Variants in ZBTB20 observed in about 807,000 individuals in gnomAD.
ZBTB20 encodes the protein zinc finger and BTB domain-containing protein 20.
Under a neutral mutation model 56.9 loss-of-function variants are expected in ZBTB20, and 9 were observed. The observed-to-expected ratio is 0.16, with a 90% CI of 0.10 to 0.28. The LOEUF (loss-of-function observed/expected upper bound fraction) is 0.28. Ranked by LOEUF, ZBTB20 falls within the 10% of genes least tolerant of loss-of-function variation. The probability of loss-of-function intolerance (pLI) is 1.00; values close to 1 mark genes in which losing one functional copy is unlikely to be tolerated. For synonymous variants in ZBTB20, 417 were observed against 420.7 expected (o/e 0.99, Z 0.11); for missense variants, 655 against 1,003.0 (o/e 0.65, Z 4.69).
intron 6 of ZBTB20, among the ~76,000 whole-genome samples, chr3:114,601,669 A>G (rs1041897725): frequency 4.6e-5 from 7 of 152,012 alleles, no homozygotes; most frequent in Non-Finnish European, 7.4e-5. Flanking sequence ...AGAAATGGCT[A>G]AGGAAGAAGA....
intron 7 of ZBTB20, among the ~76,000 whole-genome samples, chr3:114,415,100 T>C (rs1052967127): frequency 1.3e-5 from 2 of 152,116 alleles, no homozygotes; most frequent in Admixed American, 1.3e-4. Flanking sequence ...CAATGTGGTT[T>C]GATATCATTA....
intron 7 of ZBTB20, among the ~76,000 whole-genome samples, chr3:114,410,669 C>T (rs1415658713): frequency 6.6e-6 from 1 of 152,150 alleles, no homozygotes; most frequent in Non-Finnish European, 1.5e-5. Context: ...AACAAGAGAG[C>T]GCTGGTTCCA....
At chr3:114,795,293 C>A (rs899998095) in intron 5 of ZBTB20, among the ~76,000 whole-genome samples, 2 of 151,962 alleles carry the variant, frequency 1.3e-5, no homozygotes, top group Non-Finnish European at 2.9e-5. Flanking sequence ...TTGTCCTATT[C>A]TTGAGCTATC....
chr3:114,460,293 C>T (rs554493318), intron 7 of ZBTB20, among the ~76,000 whole-genome samples: 2 of 151,466 alleles, frequency 1.3e-5, no homozygotes, highest in South Asian at 2.1e-4. Context: ...TGAGGAATGG[C>T]CCCCCCCAAA....
chr3:114,642,952 A>C (rs2059634120), intron 6 of ZBTB20, among the ~76,000 whole-genome samples: 1 of 152,074 alleles, frequency 6.6e-6, no homozygotes, highest in Non-Finnish European at 1.5e-5. Context: ...AGTAAATGTC[A>C]CTTGACCCGA....
At position 114,315,648 on chromosome 3, in the gene ZBTB20, T is replaced by C. The variant is rs1311779504; in HGVS notation, c.*23357A>G. ...AAAAAAGGGACCATATTCCTTTCCATACTAAGATACAATGTGATAAGAAAC... is the reference window on the plus strand; with the variant it reads ...AAAAAAGGGACCATATTCCTTTCCACACTAAGATACAATGTGATAAGAAAC... On this transcript the variant is annotated 3_prime_UTR_variant, in exon 12 of 12. Transcript: ENST00000675478. 6.6e-6 allele frequency: 1 copy of C among 151,646 alleles called. No individual in the cohort carries two copies. The highest frequency in any genetic ancestry group is 2.4e-5 in the African/African-American group (1 of 41,226). The allele number at this position is 151,646 out of a possible 1,614,324, so 9.4% of individuals were successfully genotyped here.
At chr3:114,577,247 T>G (rs545683172) in intron 6 of ZBTB20, among the ~76,000 whole-genome samples, 2 of 152,112 alleles carry the variant, frequency 1.3e-5, no homozygotes, top group East Asian at 3.9e-4. Flanking sequence ...TATCTAACTA[T>G]GTACCCATAT....
rs144598152 is a variant in ZBTB20 at position 114,380,488 on chromosome 3, AT to A, written c.12-85del. The A allele has an allele frequency of 3.7e-4, 501 of 1,342,604 alleles. 6 individuals carry two copies. In the South Asian group the frequency reaches 4.0e-3, roughly 11 times the overall value. 83.2% of individuals were successfully genotyped at this position (1,342,604 alleles called of 1,614,324 possible). On this transcript the variant is annotated intron_variant, in intron 9 of 11. Coordinates refer to ENST00000675478, the MANE Select transcript of ZBTB20 (RefSeq NM_001348800.3). ...TTTAGAATCTGTTAAAGATAACTTG[AT>A]TTTTTTTTTCTGAAGGGGGATGGGA...
intron 2 of ZBTB20, among the ~76,000 whole-genome samples, chr3:115,052,452 T>G (rs1042446622): frequency 4.0e-5 from 6 of 151,818 alleles, no homozygotes; most frequent in Admixed American, 1.3e-4. Context: ...GTGAGACGCT[T>G]TCTCATGGAA....
At chr3:115,134,392 G>A (rs1006663817) in intron 1 of ZBTB20, among the ~76,000 whole-genome samples, 3 of 152,088 alleles carry the variant, frequency 2.0e-5, no homozygotes, top group African/African-American at 7.2e-5. Context: ...TAGCAGCCAA[G>A]TGCAGAGATG....
chr3:114,317,755 T>C lies in ZBTB20; in HGVS notation c.*21250A>G, dbSNP rs982170375. The C allele has an allele frequency of 4.6e-5, 7 of 152,124 alleles. No homozygotes were observed. Among genetic ancestry groups the C allele is most frequent in the Non-Finnish European group, 7.3e-5 (5 of 68,028 alleles). 9.4% of individuals were successfully genotyped at this position (152,124 alleles called of 1,614,324 possible). On this transcript the variant is annotated 3_prime_UTR_variant, in exon 12 of 12. Coordinates refer to ENST00000675478, the MANE Select transcript of ZBTB20 (RefSeq NM_001348800.3). ...AAGGAAAAGATGAAGGCACGTGATA[T>C]TATTCGGTCCCACAATCCTTAAGAA...
intron 3 of ZBTB20, among the ~76,000 whole-genome samples, chr3:114,910,397 G>A (rs545076591): frequency 6.6e-6 from 1 of 151,826 alleles, no homozygotes; most frequent in East Asian, 1.9e-4. Flanking sequence ...TGAGGTCTAT[G>A]TGATAAAAAT....
chr3:115,144,488 T>C (rs1458512064), intron 1 of ZBTB20, among the ~76,000 whole-genome samples: 3 of 152,196 alleles, frequency 2.0e-5, no homozygotes, highest in Admixed American at 2.0e-4. Flanking sequence ...CAAGAGGAAT[T>C]AGATGTTTGC....
intron 3 of ZBTB20, among the ~76,000 whole-genome samples, chr3:114,916,640 T>A (rs1169261248): frequency 2.0e-5 from 3 of 152,150 alleles, no homozygotes; most frequent in South Asian, 2.1e-4. Flanking sequence ...TTCTCCCTCA[T>A]GTTTGAAGGA....
In ZBTB20 at chr3:114,329,951, C is replaced by T. The variant is rs1045834974; in HGVS notation, c.*9054G>A. ...TGAAACGCAGCCTGTTATTGTTGGT[C>T]AGATCATGTGGCACTTAAGTAGCCC... On this transcript the variant is annotated 3_prime_UTR_variant, in exon 12 of 12. Transcript: ENST00000675478. 3 of 152,136 alleles carry T rather than the reference C, an allele frequency of 2.0e-5. No homozygotes were observed. The highest frequency in any genetic ancestry group is 2.9e-5 in the Non-Finnish European group (2 of 68,026). The allele number at this position is 152,136 out of a possible 1,614,324, so 9.4% of individuals were successfully genotyped here. A position where few individuals can be genotyped will look rare whatever the true frequency, so the allele number is the denominator to read the frequency against.
At chr3:115,098,089 T>G (rs1247959293) in intron 1 of ZBTB20, among the ~76,000 whole-genome samples, 2 of 152,162 alleles carry the variant, frequency 1.3e-5, no homozygotes, top group Non-Finnish European at 2.9e-5. Context: ...ATTCTCTCCA[T>G]TTTTTGTTTG....
intron 1 of ZBTB20, among the ~76,000 whole-genome samples, chr3:115,122,548 C>T (rs1226419244): frequency 1.3e-5 from 2 of 152,024 alleles, no homozygotes; most frequent in Non-Finnish European, 2.9e-5. Flanking sequence ...CTGAGGAGAT[C>T]CTTGGTTCTC....
chr3:114,357,951 A>G (rs2081419822), intron 10 of ZBTB20, among the ~76,000 whole-genome samples: 2 of 152,224 alleles, frequency 1.3e-5, no homozygotes, highest in African/African-American at 4.8e-5. Flanking sequence ...GTAACTACTA[A>G]TATTAGCAGA....
chr3:114,870,344 T>C (rs2075949646), intron 4 of ZBTB20, among the ~76,000 whole-genome samples: 2 of 151,158 alleles, frequency 1.3e-5, no homozygotes. Flanking sequence ...ACACATGAAT[T>C]AAGATCAGCA....
Sources: allele counts gnomAD v4.1 joint callset (sites outside exome capture counted in the v4.1 genomes callset), GRCh38; gene constraint gnomAD v4.1.1; transcripts MANE v1.5; gene names NCBI Gene and HGNC (gene_info 2026-07-23, HGNC 2026-07-21).